SLC8A1: variants seen among roughly 807,000 people sequenced by gnomAD.
The protein encoded by SLC8A1 is solute carrier family 8 member A1, also known as sodium/calcium exchanger 1.
Under a neutral mutation model 68.3 loss-of-function variants are expected in SLC8A1, and 18 were observed. The observed-to-expected ratio is 0.26, with a 90% confidence interval of 0.18 to 0.39. SLC8A1 has a LOEUF of 0.39. Ranked by LOEUF, SLC8A1 falls within the 10% of genes least tolerant of loss-of-function variation. The probability of loss-of-function intolerance (pLI) is 1.00; values close to 1 mark genes in which losing one functional copy is unlikely to be tolerated. For missense variants in SLC8A1, 985 were observed against 1,156.7 expected, an observed-to-expected ratio of 0.85 and a Z score of 2.15; for synonymous variants, 475 against 415.5, an observed-to-expected ratio of 1.14 and a Z score of -1.74.
intron 2 of SLC8A1, among the ~76,000 whole-genome samples, chr2:40,200,187 T>TC (rs1488132866): frequency 1.8e-4 from 2 of 10,868 alleles, no homozygotes; most frequent in Admixed American, 1.8e-3. Context: ...TATATATATA[T>TC]ATATTTATAT....
At chr2:40,237,022 T>C (rs1270474407) in intron 2 of SLC8A1, among the ~76,000 whole-genome samples, 13 of 113,776 alleles carry the variant, frequency 1.1e-4, no homozygotes, top group East Asian at 1.1e-3. Context: ...TTCTCTCTGG[T>C]TGCCCTTAAC....
chr2:40,212,301 T>TTTTTTA (rs1553417570), intron 2 of SLC8A1, among the ~76,000 whole-genome samples: 2 of 150,430 alleles, frequency 1.3e-5, no homozygotes, highest in African/African-American at 2.4e-5. Flanking sequence ...TTTTTTTTTT[T>TTTTTTA]CCTGAGACAA....
At chr2:40,211,246 TTAACA>T (rs1240227263) in intron 2 of SLC8A1, among the ~76,000 whole-genome samples, 1 of 152,194 alleles carries the variant, frequency 6.6e-6, no homozygotes, top group African/African-American at 2.4e-5. Context: ...GTTGGCACCT[TTAACA>T]TAACTACACT....
At chr2:40,202,877 T>C (rs1255077041) in intron 2 of SLC8A1, among the ~76,000 whole-genome samples, 1 of 151,998 alleles carries the variant, frequency 6.6e-6, no homozygotes, top group Non-Finnish European at 1.5e-5. Context: ...GTAGAATATA[T>C]TGCTGGCTTT....
At chr2:40,411,417 A>G (rs1692093379) in intron 2 of SLC8A1, among the ~76,000 whole-genome samples, 1 of 152,054 alleles carries the variant, frequency 6.6e-6, no homozygotes, top group South Asian at 2.1e-4. Context: ...GATTCTCTTA[A>G]AATAGCTTTG....
At chr2:40,169,946 A>C (rs538276541) in intron 4 of SLC8A1, among the ~76,000 whole-genome samples, 13 of 152,320 alleles carry the variant, frequency 8.5e-5, no homozygotes, top group African/African-American at 3.1e-4. Context: ...CCCCATCTCA[A>C]ATAAAATAAA....
chr2:40,502,732 A>G (rs1396724805), intron 1 of SLC8A1, among the ~76,000 whole-genome samples: 1 of 152,030 alleles, frequency 6.6e-6, no homozygotes, highest in Non-Finnish European at 1.5e-5. Flanking sequence ...AACATTAATT[A>G]TCTACTTTGG....
intron 2 of SLC8A1, among the ~76,000 whole-genome samples, chr2:40,187,800 C>A (rs144688778): frequency 6.6e-6 from 1 of 152,024 alleles, no homozygotes; most frequent in African/African-American, 2.4e-5. Flanking sequence ...GTCTAGTATC[C>A]CCACAATGTT....
intron 1 of SLC8A1, among the ~76,000 whole-genome samples, chr2:40,444,506 C>T (rs543955521): frequency 6.6e-6 from 1 of 152,138 alleles, no homozygotes; most frequent in South Asian, 2.1e-4. Context: ...TTTCTCTTCA[C>T]ACTACACCAA....
chr2:40,392,384 G>C (rs1052602309), intron 2 of SLC8A1, among the ~76,000 whole-genome samples: 17 of 152,006 alleles, frequency 1.1e-4, no homozygotes, highest in African/African-American at 3.9e-4. Context: ...CAATAGCTAG[G>C]AACTTCCTCT....
intron 2 of SLC8A1, among the ~76,000 whole-genome samples, chr2:40,318,307 C>G (rs1055653586): frequency 6.6e-6 from 1 of 151,980 alleles, no homozygotes; most frequent in Non-Finnish European, 1.5e-5. Flanking sequence ...CTGAAAGAGG[C>G]TGGGCATCTG....
At chr2:40,448,206 T>C (rs1360811277) in intron 1 of SLC8A1, among the ~76,000 whole-genome samples, 1 of 152,116 alleles carries the variant, frequency 6.6e-6, no homozygotes, top group Non-Finnish European at 1.5e-5. Context: ...ATATATATTG[T>C]GTAAAACGTA....
chr2:40,213,234 G>C (rs1384807254), intron 2 of SLC8A1: 1 of 152,132 alleles, frequency 6.6e-6, no homozygotes, highest in Non-Finnish European at 1.5e-5. Flanking sequence ...ATCACCGAGT[G>C]ACCCAGGAAT....
intron 2 of SLC8A1, among the ~76,000 whole-genome samples, chr2:40,208,108 C>A (rs558653336): frequency 2.0e-5 from 3 of 152,182 alleles, no homozygotes; most frequent in South Asian, 4.1e-4. Flanking sequence ...GAGATGAGAA[C>A]ATGAAGGAAG....
chr2:40,353,953 A>G (rs949623478), intron 2 of SLC8A1, among the ~76,000 whole-genome samples: 2 of 152,224 alleles, frequency 1.3e-5, no homozygotes, highest in Non-Finnish European at 2.9e-5. Flanking sequence ...CATTTTACCT[A>G]CAAGGCACAC....
At chr2:40,353,065 T>C (rs1671612727) in intron 2 of SLC8A1, among the ~76,000 whole-genome samples, 1 of 152,186 alleles carries the variant, frequency 6.6e-6, no homozygotes, top group African/African-American at 2.4e-5. Flanking sequence ...TGCTTTTGTG[T>C]TCAACTTCTG....
chr2:40,224,713 A>C (rs886243581), intron 2 of SLC8A1, among the ~76,000 whole-genome samples: 2 of 152,122 alleles, frequency 1.3e-5, no homozygotes, highest in Non-Finnish European at 1.5e-5. Flanking sequence ...TCAGGCATAA[A>C]ATTTGCTTAT....
intron 2 of SLC8A1, among the ~76,000 whole-genome samples, chr2:40,206,234 G>C (rs1024550231): frequency 6.6e-6 from 1 of 152,034 alleles, no homozygotes; most frequent in Admixed American, 6.6e-5. Context: ...ACAAATATCA[G>C]AACTGTGGAC....
At chr2:40,249,567 A>G (rs1490759894) in intron 2 of SLC8A1, among the ~76,000 whole-genome samples, 2 of 152,224 alleles carry the variant, frequency 1.3e-5, no homozygotes, top group Non-Finnish European at 2.9e-5. Context: ...CCCAATTCAC[A>G]CCATATTTAG....
Sources: gnomAD v4.1 joint callset for allele counts (sites outside exome capture counted in the v4.1 genomes callset) on GRCh38, gnomAD v4.1.1 for gene constraint, MANE v1.5 for transcripts, NCBI Gene and HGNC (gene_info 2026-07-23, HGNC 2026-07-21) for gene names.